Variants in STPG2 observed in about 807,000 individuals in gnomAD.
The protein encoded by STPG2 is sperm-tail PG-rich repeat-containing protein 2.
A neutral mutation model predicts 54.2 loss-of-function variants in STPG2; 56 were observed. The observed-to-expected ratio is 1.03, with a 90% CI of 0.83 to 1.29. STPG2 has a LOEUF of 1.29. Among genes scored for constraint, STPG2 ranks in the 50% most tolerant of loss-of-function variants. The probability of loss-of-function intolerance (pLI) is 0.00; values close to 1 mark genes in which losing one functional copy is unlikely to be tolerated. For missense variants in STPG2, 596 were observed against 544.9 expected, an observed-to-expected ratio of 1.09 and a Z score of -0.93; for synonymous variants, 200 against 181.8, an observed-to-expected ratio of 1.10 and a Z score of -0.81.
At chr4:98,018,497 T>C (rs982281373) in intron 5 of STPG2, among the ~76,000 whole-genome samples, 7 of 152,228 alleles carry the variant, frequency 4.6e-5, no homozygotes, top group African/African-American at 1.4e-4. Context: ...TGTGTCTTTA[T>C]AGCAGCATGA....
intron 5 of STPG2, among the ~76,000 whole-genome samples, chr4:98,016,612 T>C (rs1201093761): frequency 6.6e-6 from 1 of 152,196 alleles, no homozygotes; most frequent in South Asian, 2.1e-4. Flanking sequence ...TTTGGTTTTA[T>C]TTTATACATT....
At chr4:97,682,995 G>C in intron 10 of STPG2, among the ~76,000 whole-genome samples, 1 of 151,796 alleles carries the variant, frequency 6.6e-6, no homozygotes, top group East Asian at 1.9e-4. Context: ...TTGTCATGTA[G>C]AAATGTATTG....
intron 7 of STPG2, among the ~76,000 whole-genome samples, chr4:97,958,568 C>A (rs1733773611): frequency 6.6e-6 from 1 of 152,146 alleles, no homozygotes; most frequent in South Asian, 2.1e-4. Context: ...TGCAAATGAA[C>A]ACCAAAAGCC....
intron 10 of STPG2, among the ~76,000 whole-genome samples, chr4:97,614,964 T>C (rs1322421209): frequency 6.6e-6 from 1 of 152,146 alleles, no homozygotes; most frequent in Non-Finnish European, 1.5e-5. Flanking sequence ...TCCTTGCAAA[T>C]TGATGTGAAT....
At chr4:97,638,127 T>C (rs948109350) in intron 10 of STPG2, among the ~76,000 whole-genome samples, 1 of 152,106 alleles carries the variant, frequency 6.6e-6, no homozygotes, top group Admixed American at 6.5e-5. Flanking sequence ...AACAGCATGG[T>C]ACTGGTACCA....
intron 8 of STPG2, among the ~76,000 whole-genome samples, chr4:97,901,570 C>T (rs1029764164): frequency 1.3e-5 from 2 of 151,778 alleles, no homozygotes; most frequent in African/African-American, 4.8e-5. Flanking sequence ...AGAAAACCAT[C>T]TTATTTCTTA....
intron 3 of STPG2, among the ~76,000 whole-genome samples, chr4:98,121,550 C>T (rs1321737472): frequency 1.3e-5 from 2 of 152,046 alleles, no homozygotes; most frequent in Non-Finnish European, 1.5e-5. Flanking sequence ...TGTTTGTGTC[C>T]GTTCTGGCTT....
At chr4:97,997,683 C>T (rs1276652080) in intron 5 of STPG2, among the ~76,000 whole-genome samples, 2 of 152,060 alleles carry the variant, frequency 1.3e-5, no homozygotes, top group Admixed American at 6.6e-5. Flanking sequence ...CCATACAATA[C>T]AAGAATAAGA....
At chr4:98,127,636 A>G (rs936851242) in intron 3 of STPG2, among the ~76,000 whole-genome samples, 1 of 152,182 alleles carries the variant, frequency 6.6e-6, no homozygotes, top group Non-Finnish European at 1.5e-5. Context: ...GGTTCGAAGT[A>G]CTATGTATTT....
At chr4:97,982,930 C>T (rs879355243) in intron 5 of STPG2, among the ~76,000 whole-genome samples, 1 of 152,140 alleles carries the variant, frequency 6.6e-6, no homozygotes, top group African/African-American at 2.4e-5. Context: ...TGATCAAATT[C>T]AACACTGCCT....
intron 5 of STPG2, among the ~76,000 whole-genome samples, chr4:98,086,214 T>C (rs1738498627): frequency 6.6e-6 from 1 of 152,128 alleles, no homozygotes; most frequent in East Asian, 1.9e-4. Flanking sequence ...TGGTTGAAAT[T>C]AATTCTCACA....
At chr4:97,540,184 G>A (rs769171360) in intron 4 of STPG2, among the ~76,000 whole-genome samples, 5 of 152,138 alleles carry the variant, frequency 3.3e-5, no homozygotes, top group Non-Finnish European at 5.9e-5. Context: ...ATGAATCCAG[G>A]AGGTGGTTTT....
chr4:98,064,524 A>G (rs1737763125), intron 5 of STPG2, among the ~76,000 whole-genome samples: 3 of 152,246 alleles, frequency 2.0e-5, no homozygotes, highest in African/African-American at 7.2e-5. Flanking sequence ...ATGTTAAAAC[A>G]GATTCCTTAT....
chr4:97,720,473 T>C (rs1010124403), intron 9 of STPG2, among the ~76,000 whole-genome samples: 1 of 151,946 alleles, frequency 6.6e-6, no homozygotes, highest in Non-Finnish European at 1.5e-5. Context: ...GCCTTCTTAA[T>C]CTCCATTAGA....
At chr4:97,565,760 C>G (rs1172303733) in intron 10 of STPG2, among the ~76,000 whole-genome samples, 1 of 152,166 alleles carries the variant, frequency 6.6e-6, no homozygotes, top group Non-Finnish European at 1.5e-5. Flanking sequence ...TTTTCGTGAA[C>G]TGTGAATGCT....
chr4:98,044,970 C>A (rs565963119), intron 5 of STPG2, among the ~76,000 whole-genome samples: 2 of 152,172 alleles, frequency 1.3e-5, no homozygotes, highest in African/African-American at 2.4e-5. Flanking sequence ...TCTGCCTCAC[C>A]ATGAGACAGG....
intron 10 of STPG2, among the ~76,000 whole-genome samples, chr4:97,652,051 G>T (rs1489271057): frequency 6.6e-6 from 1 of 151,764 alleles, no homozygotes; most frequent in Non-Finnish European, 1.5e-5. Flanking sequence ...AAAAACAGCT[G>T]TAGAATCTTA....
At chr4:97,738,562 C>T (rs1324803731) in intron 9 of STPG2, among the ~76,000 whole-genome samples, 5 of 152,120 alleles carry the variant, frequency 3.3e-5, no homozygotes, top group African/African-American at 1.2e-4. Flanking sequence ...GGTTCCAATC[C>T]TAGTCTCTGA....
chr4:97,478,449 A>C (rs972745847), intron 4 of STPG2, among the ~76,000 whole-genome samples: 1 of 152,140 alleles, frequency 6.6e-6, no homozygotes, highest in African/African-American at 2.4e-5. Flanking sequence ...TGAACTGGAA[A>C]AATTAATAAT....
Sources: allele counts gnomAD v4.1 joint callset (sites outside exome capture counted in the v4.1 genomes callset), GRCh38; gene constraint gnomAD v4.1.1; transcripts MANE v1.5; gene names NCBI Gene and HGNC (gene_info 2026-07-23, HGNC 2026-07-21).